ASH1L: variants seen among roughly 807,000 people sequenced by gnomAD.
ASH1L encodes histone-lysine N-methyltransferase ASH1L.
In ASH1L, 23 loss-of-function variants were observed where a neutral mutation model predicts 269.0. That is an observed-to-expected ratio of 0.09 (90% confidence interval 0.06 to 0.12). The LOEUF (loss-of-function observed/expected upper bound fraction) is 0.12, where lower values mean the gene tolerates loss of function less well. Among genes scored for constraint, ASH1L ranks in the 10% least tolerant of loss-of-function variants. The probability of loss-of-function intolerance (pLI) is 1.00; values close to 1 mark genes in which losing one functional copy is unlikely to be tolerated. For missense variants in ASH1L, 2,912 were observed against 3,567.8 expected (o/e 0.82, Z 4.68); for synonymous variants, 1,187 against 1,253.5 (o/e 0.95, Z 1.12).
intron 1 of ASH1L, among the ~76,000 whole-genome samples, chr1:155,531,469 A>AT (rs1389228193): frequency 1.3e-5 from 2 of 151,926 alleles, no homozygotes; most frequent in Non-Finnish European, 2.9e-5. Context: ...CAAAGAATTC[A>AT]TTTTTTATCT....
At chr1:155,532,275 G>C (rs1402940236) in intron 1 of ASH1L, among the ~76,000 whole-genome samples, 1 of 152,070 alleles carries the variant, frequency 6.6e-6, no homozygotes, top group African/African-American at 2.4e-5. Flanking sequence ...ACAGCATTAA[G>C]TAAACTCTTT....
At chr1:155,415,381 C>CAAAAAAAAAA (rs371008148) in intron 6 of ASH1L, among the ~76,000 whole-genome samples, 1 of 57,650 alleles carries the variant, frequency 1.7e-5, no homozygotes, top group African/African-American at 5.4e-5. Context: ...GACTCCGTCT[C>CAAAAAAAAAA]AAAAAAAAAA....
At chr1:155,351,588 C>T (rs1221811776) in intron 17 of ASH1L, among the ~76,000 whole-genome samples, 2 of 152,142 alleles carry the variant, frequency 1.3e-5, no homozygotes, top group Non-Finnish European at 2.9e-5. Context: ...TGCTGGCTCA[C>T]GCCTGTAATC....
intron 2 of ASH1L, among the ~76,000 whole-genome samples, chr1:155,514,668 A>G (rs964744947): frequency 5.9e-5 from 9 of 152,184 alleles, no homozygotes; most frequent in Non-Finnish European, 1.0e-4. Flanking sequence ...TGCAACATCA[A>G]CAACGCATTT....
At position 155,537,023 on chromosome 1, in the gene ASH1L, G is replaced by A. The variant is rs1213190445; in HGVS notation, c.-99-15405C>T. Among the ~76,000 whole-genome samples, 11 of 147,600 alleles carry A rather than the reference G, an allele frequency of 7.5e-5. No individual in the cohort carries two copies. The South Asian group carries it at 8.5e-4, about 11-fold the overall frequency. Reference sequence around the variant, plus strand: ...TCACACCACTGCACTCCAGCCTGGCGACAGAGCAAGACTCTGTCTCAAAAA... The same window carrying A: ...TCACACCACTGCACTCCAGCCTGGCAACAGAGCAAGACTCTGTCTCAAAAA... On this transcript the variant is annotated intron_variant, in intron 1 of 27. Transcript: ENST00000392403.
intron 7 of ASH1L, among the ~76,000 whole-genome samples, chr1:155,386,673 CGT>C (rs1657457306): frequency 6.6e-6 from 1 of 152,026 alleles, no homozygotes; most frequent in Non-Finnish European, 1.5e-5. Flanking sequence ...GGATGACAGG[CGT>C]GAGCCACCAC....
At chr1:155,483,353 T>C (rs1666087022) in intron 2 of ASH1L, among the ~76,000 whole-genome samples, 1 of 152,192 alleles carries the variant, frequency 6.6e-6, no homozygotes, top group Non-Finnish European at 1.5e-5. Flanking sequence ...TTGATTGTGA[T>C]GTTCAATGGG....
chr1:155,511,111 T>C (rs1308522021), intron 2 of ASH1L, among the ~76,000 whole-genome samples: 3 of 152,132 alleles, frequency 2.0e-5, no homozygotes, highest in African/African-American at 4.8e-5. Flanking sequence ...TGATATGTGA[T>C]ACATAAATCA....
At chr1:155,381,705 A>AGT (rs2148447975) in intron 7 of ASH1L, among the ~76,000 whole-genome samples, 1 of 139,508 alleles carries the variant, frequency 7.2e-6, no homozygotes, top group Non-Finnish European at 1.6e-5. Flanking sequence ...TGAAACCCCA[A>AGT]CTCTACTAAA....
chr1:155,503,544 T>C (rs1260440813), intron 2 of ASH1L, among the ~76,000 whole-genome samples: 1 of 152,246 alleles, frequency 6.6e-6, no homozygotes. Flanking sequence ...ATAACATTTC[T>C]GACATCTTTG....
intron 10 of ASH1L, among the ~76,000 whole-genome samples, chr1:155,371,865 T>C (rs1351913095): frequency 6.6e-6 from 1 of 151,924 alleles, no homozygotes; most frequent in Non-Finnish European, 1.5e-5. Flanking sequence ...GGCTATTTTT[T>C]GTATTTTCAG....
chr1:155,436,120 G>A (rs918193225), intron 5 of ASH1L, among the ~76,000 whole-genome samples: 2 of 152,106 alleles, frequency 1.3e-5, no homozygotes, highest in Non-Finnish European at 2.9e-5. Context: ...AAGAAATCAC[G>A]GCCAAATTCA....
At chr1:155,350,464 T>C (rs771446706) in intron 17 of ASH1L, among the ~76,000 whole-genome samples, 38 of 152,094 alleles carry the variant, frequency 2.5e-4, no homozygotes, top group Non-Finnish European at 4.9e-4. Context: ...ACAATGTTAG[T>C]TGGGTAATGA....
At chr1:155,536,016 G>T in intron 1 of ASH1L, among the ~76,000 whole-genome samples, 1 of 150,044 alleles carries the variant, frequency 6.7e-6, no homozygotes, top group East Asian at 2.0e-4. Context: ...AAAAAAAAAA[G>T]AAAAAAATTT....
intron 5 of ASH1L, among the ~76,000 whole-genome samples, chr1:155,429,804 CTT>C (rs1661467642): frequency 6.6e-6 from 1 of 151,922 alleles, no homozygotes; most frequent in Non-Finnish European, 1.5e-5. Flanking sequence ...TTGTTTGTCT[CTT>C]ATTTGTTTTT....
rs150805982 is a variant in ASH1L, at chr1:155,500,734, C to T, written c.421-18285G>A. Among the ~76,000 whole-genome samples the T allele has an allele frequency of 2.0e-5, 3 of 152,222 alleles. No homozygotes were observed. In the East Asian group the frequency reaches 5.8e-4, roughly 29 times the overall value. On this transcript the variant is annotated intron_variant, in intron 2 of 27. Coordinates refer to ENST00000392403, the MANE Select transcript of ASH1L (RefSeq NM_018489.3). ...CTGTAATCCCAGAATTTTGGGAGGC[C>T]TAGGCGTGCAGATCACTTGAGGCCA...
chr1:155,538,589 G>A (rs1436654303), intron 1 of ASH1L, among the ~76,000 whole-genome samples: 1 of 145,566 alleles, frequency 6.9e-6, no homozygotes, highest in Non-Finnish European at 1.5e-5. Flanking sequence ...TGATCTGCCC[G>A]CCTCGGCCTT....
rs765286358 is a variant in ASH1L at position 155,439,063 on chromosome 1, C to T, written c.5092G>A (p.Gly1698Arg). Reference sequence around the variant, plus strand: ...AATCTTGGACTTCGAGAGGGAACTCCGTTTACTGAAAGAGACAATAAATCA... The same window carrying T: ...AATCTTGGACTTCGAGAGGGAACTCTGTTTACTGAAAGAGACAATAAATCA... ...SSESTSSTVN[G>R]VPSRSPRLVA... The change falls in exon 5 of 28, where the codon GGA (glycine) becomes AGA (arginine). Residue 1698 changes from glycine (G) to arginine (R), a missense_variant. Around this residue, in one of 13 missense-constraint regions of ASH1L, gnomAD observed 789 missense variants for 897.6 expected, o/e 0.88. Transcript: ENST00000392403. 1.6e-5 allele frequency: 25 copies of T among 1,599,002 alleles called. No individual in the cohort carries two copies. The highest frequency in any genetic ancestry group is 2.1e-5 in the Non-Finnish European group (25 of 1,173,490).
intron 17 of ASH1L, 84 bp downstream of exon 17, chr1:155,352,622 T>G (rs1170487660): frequency 1.4e-6 from 2 of 1,380,762 alleles, no homozygotes; most frequent in African/African-American, 1.5e-5. Context: ...CTGGGCAATA[T>G]AGCAAGACCC....
Sources: gnomAD v4.1 joint callset for allele counts (sites outside exome capture counted in the v4.1 genomes callset) on GRCh38, gnomAD v4.1.1 for gene constraint, gnomAD v4.1.1 regional missense constraint, MANE v1.5 for transcripts, NCBI Gene and HGNC (gene_info 2026-07-23, HGNC 2026-07-21) for gene names.